The following PLXNB3 variants were observed in gnomAD, a reference collection of about 807,000 sequenced individuals.
PLXNB3 encodes plexin-B3.
In PLXNB3, 80 loss-of-function variants were observed where a neutral mutation model predicts 125.7. That is an observed-to-expected ratio of 0.64 (90% CI 0.53 to 0.77). The LOEUF (loss-of-function observed/expected upper bound fraction) is 0.77, where lower values mean the gene tolerates loss of function less well. Ranked by LOEUF, PLXNB3 falls within the 30% of genes least tolerant of loss-of-function variation. The probability of loss-of-function intolerance (pLI) is 0.00; values close to 1 mark genes in which losing one functional copy is unlikely to be tolerated. For missense variants in PLXNB3, 1,836 were observed against 1,729.3 expected (o/e 1.06, Z -1.09); for synonymous variants, 954 against 783.3 (o/e 1.22, Z -3.64).
In PLXNB3 at chrX:153,773,659, A is replaced by G; in HGVS notation, c.3225A>G (p.Gly1075=). 4 of 1,183,129 alleles carry G rather than the reference A, an allele frequency of 3.4e-6. No individual in the cohort carries two copies. Among genetic ancestry groups the G allele is most frequent in the Non-Finnish European group, 4.5e-6 (4 of 881,862 alleles). ...ACCCACAGCCAAGGAGGAGCTGTGG[A>G]GCCCCTGCTGCGGACCCCCAGGCTT... ...PQDPQPRRSC[G]APAADPQACI... is the part of the protein sequence containing the mutation. The change falls in exon 19 of 36, where the codon GGA becomes GGG. Residue 1075 remains glycine, a synonymous_variant. Coordinates refer to ENST00000361971, the MANE Select transcript of PLXNB3 (RefSeq NM_005393.3).
At chrX:153,765,364 G>A in intron 1 of PLXNB3, 107 bp from the exon 2 acceptor site, 1 of 562,908 alleles carries the variant, frequency 1.8e-6, no homozygotes, top group Non-Finnish European at 2.9e-6. Flanking sequence ...GCTGCCAGCT[G>A]TGAGGGAGCC....
Position 153,771,961 on chromosome X carries a change from G to C in PLXNB3, c.2615G>C (p.Ser872Thr). The change falls in exon 15 of 36, where the codon AGC (serine) becomes ACC (threonine). Residue 872 changes from serine to threonine, a missense_variant. Physicochemically the swap from Ser to Thr is moderately conservative, Grantham distance 58 (BLOSUM62 1). Coordinates refer to ENST00000361971, the MANE Select transcript of PLXNB3 (RefSeq NM_005393.3). ...RAFADVQYAV[S>T]VASRPCNPEP... The stretch of plus-strand genomic sequence containing the variant: ...TTCGCCGATGTGCAGTACGCCGTGA[G>C]CGTGGCCAGCCGGCCCTGCAACCCT... The C allele has an allele frequency of 1.7e-6, 2 of 1,208,229 alleles. No individual in the cohort carries two copies. Among genetic ancestry groups the C allele is most frequent in the East Asian group, 5.9e-5 (2 of 33,838 alleles).
Position 153,775,616 on chromosome X carries a change from C to A in PLXNB3, c.4357C>A (p.Leu1453Met). Reference sequence around the variant, plus strand: ...CAGGACAGAGACCATGGTGGAGAAACTGCTCACCAACTGGCTGTCCATCTG... The same window carrying A: ...CAGGACAGAGACCATGGTGGAGAAAATGCTCACCAACTGGCTGTCCATCTG... ...LRRTETMVEK[L>M]LTNWLSICLY... The change falls in exon 26 of 36, where the codon CTG becomes ATG. Residue 1453 changes from leucine (L) to methionine (M), a missense_variant. Physicochemically the swap from Leu to Met is conservative, Grantham distance 15. Coordinates refer to ENST00000361971, the MANE Select transcript of PLXNB3 (RefSeq NM_005393.3). The A allele has an allele frequency of 8.3e-7, 1 of 1,211,000 alleles. No homozygotes were observed. The highest frequency in any genetic ancestry group is 1.1e-6 in the Non-Finnish European group (1 of 895,197).
At position 153,777,267 on chromosome X, in the gene PLXNB3, GCCA is replaced by G. The variant is rs781968623; in HGVS notation, c.4990_4992del (p.Thr1664del). On this transcript the variant is annotated inframe_deletion, in exon 30 of 36. Coordinates refer to ENST00000361971, the MANE Select transcript of PLXNB3 (RefSeq NM_005393.3). Reference sequence around the variant, plus strand: ...GGTGTGCCTCTGGCACCTGGTGAAAGCCACCGAGGAGCCAGAAGGGGCCAAGGT... The same window carrying G: ...GGTGTGCCTCTGGCACCTGGTGAAAGCCGAGGAGCCAGAAGGGGCCAAGGT... 8.4e-7 allele frequency: 1 copy of G among 1,195,187 alleles called. No individual in the cohort carries two copies. The highest frequency in any genetic ancestry group is 1.8e-5 in the South Asian group (1 of 55,229).
Position 153,777,372 on chromosome X carries a change from T to C in PLXNB3, c.5092T>C (p.Ser1698Pro), listed in dbSNP as rs1557064816. The change falls in exon 30 of 36, where the codon TCC becomes CCC. Residue 1698 changes from serine (S) to proline (P), a missense_variant. Coordinates refer to ENST00000361971, the MANE Select transcript of PLXNB3 (RefSeq NM_005393.3). ...IPEIYLTRLL[S>P]MKGTLQKFVD... is the part of the protein sequence containing the mutation. ...GGAAATCTACCTCACCCGTCTGCTG[T>C]CCATGAAGGTTGGTGCGGCCTGGGT... The C allele has an allele frequency of 8.4e-7, 1 of 1,196,422 alleles. No individual in the cohort carries two copies. The highest frequency in any genetic ancestry group is 1.1e-6 in the Non-Finnish European group (1 of 885,317).
chrX:153,773,730 C>A lies in PLXNB3; in HGVS notation c.3279+17C>A. On this transcript the variant is annotated intron_variant, in intron 19 of 35. Transcript: ENST00000361971. ...CTGCTGCAGGTGAGCCCCTCACCAG[C>A]AGGCGACAAGGCTGTCCCCGACCAT... 8.6e-7 allele frequency: 1 copy of A among 1,167,410 alleles called. No individual in the cohort carries two copies. Among genetic ancestry groups the A allele is most frequent in the South Asian group, 1.9e-5 (1 of 51,356 alleles).
At position 153,774,495 on chromosome X, in the gene PLXNB3, G is replaced by A. The variant is rs868924750; in HGVS notation, c.3754G>A (p.Val1252Met). The stretch of plus-strand genomic sequence containing the variant: ...TGAACCCCCGCTGTCTGCCTTTCCC[G>A]TGGAGGCCCAGGCAGGCGTGGGCAT... ...EAEPPLSAFP[V>M]EAQAGVGMGA... Residue 1252 changes from valine to methionine, a missense_variant, in exon 22 of 36, where the codon GTG (valine) becomes ATG (methionine). Coordinates refer to ENST00000361971, the MANE Select transcript of PLXNB3 (RefSeq NM_005393.3). 4.1e-6 allele frequency: 5 copies of A among 1,207,361 alleles called. No homozygotes were observed. The African/African-American group carries it at 5.2e-5, about 12-fold the overall frequency.
At position 153,766,918 on chromosome X, in the gene PLXNB3, C is replaced by A. The variant is rs372269937; in HGVS notation, c.91C>A (p.Leu31Met). 7.5e-6 allele frequency: 9 copies of A among 1,204,039 alleles called. No individual in the cohort carries two copies. The East Asian group carries it at 1.8e-4, about 24-fold the overall frequency. Residue 31 changes from leucine (L) to methionine (M), a missense_variant, in exon 3 of 36, where the codon CTG becomes ATG. Coordinates refer to ENST00000361971, the MANE Select transcript of PLXNB3 (RefSeq NM_005393.3). Reference protein sequence around the residue: ...RWPPFGLCLLLLLLSPPPLPL... With the variant: ...RWPPFGLCLLMLLLSPPPLPL... ...GCCTCCCTTCGGCCTCTGCCTCCTCCTGCTGCTGCTGTCCCCACCGCCACT... is the reference window on the plus strand; with the variant it reads ...GCCTCCCTTCGGCCTCTGCCTCCTCATGCTGCTGCTGTCCCCACCGCCACT...
At position 153,772,908 on chromosome X, in the gene PLXNB3, G is replaced by A. The variant is rs1557062495; in HGVS notation, c.2798G>A (p.Ser933Asn). Residue 933 changes from serine to asparagine, a missense_variant, in exon 17 of 36, where the codon AGT becomes AAT. Coordinates refer to ENST00000361971, the MANE Select transcript of PLXNB3 (RefSeq NM_005393.3). ...TYQDPVLLSL[S>N]PRWGPQAGGT... ...CAGGACCCTGTCCTGCTGAGCCTGA[G>A]TCCTCGCTGGGGCCCCCAGGCAGGG... is the stretch of plus-strand genomic sequence containing the variant. 8 of 1,153,292 alleles carry A rather than the reference G, an allele frequency of 6.9e-6. No homozygotes were observed. The African/African-American group carries it at 1.1e-4, about 16-fold the overall frequency.
rs374842024 is a variant in PLXNB3, at chrX:153,774,742, G to A, written c.3867G>A (p.Lys1289=). Residue 1289 remains lysine (K), a synonymous_variant, in exon 23 of 36, where the codon AAG becomes AAA. Coordinates refer to ENST00000361971, the MANE Select transcript of PLXNB3 (RefSeq NM_005393.3). The part of the protein sequence containing the change: ...KSKQALRDYQ[K]VLVQLESLET... ...AGCAGGCCCTGCGGGACTACCAGAA[G>A]GTGCTAGTGCAGCTGGAGAGCCTGG... The A allele has an allele frequency of 1.0e-5, 12 of 1,187,972 alleles. No homozygotes were observed. The highest frequency in any genetic ancestry group is 3.7e-5 in the South Asian group (2 of 53,350).
intron 3 of PLXNB3, among the ~76,000 whole-genome samples, 160 bp from the exon 4 acceptor site, chrX:153,768,089 G>C (rs182268252): frequency 1.8e-5 from 2 of 113,519 alleles, no homozygotes; most frequent in East Asian, 5.6e-4. Context: ...CCCTCTGGAT[G>C]CTATGAGCTT....
intron 16 of PLXNB3, 165 bp from the exon 17 acceptor site, chrX:153,772,721 C>T (rs1380718337): frequency 4.7e-5 from 48 of 1,030,079 alleles, no homozygotes; most frequent in Non-Finnish European, 5.7e-5. Context: ...GGAAGCTGGC[C>T]AGTGTGCAGT....
At position 153,767,701 on chromosome X, in the gene PLXNB3, G is replaced by A. The variant is rs781911980; in HGVS notation, c.874G>A (p.Ala292Thr). 5 of 1,182,269 alleles carry A rather than the reference G, an allele frequency of 4.2e-6. No individual in the cohort carries two copies. The highest frequency in any genetic ancestry group is 2.3e-5 in the Admixed American group (1 of 42,760). The change falls in exon 3 of 36, where the codon GCC becomes ACC. Residue 292 changes from alanine to threonine, a missense_variant. Coordinates refer to ENST00000361971, the MANE Select transcript of PLXNB3 (RefSeq NM_005393.3). ...CCAGGGCCAGGGCCTCATCCAGGCC[G>A]CCTTCCTTGCCCCGGGCACCTTGCT... is the stretch of plus-strand genomic sequence containing the variant. ...ACQGQGLIQA[A>T]FLAPGTLLGV...
At position 153,773,137 on chromosome X, in the gene PLXNB3, G is replaced by A. The variant is rs1335254229; in HGVS notation, c.2907-93G>A. ...AGTGGTCCCTGCCCTTGTCAAGGCA[G>A]GCAAAGCAGGGCTTCTCCTACGGGG... On this transcript the variant is annotated intron_variant, in intron 17 of 35. Coordinates refer to ENST00000361971, the MANE Select transcript of PLXNB3 (RefSeq NM_005393.3). 7.4e-6 allele frequency: 8 copies of A among 1,082,300 alleles called. No individual in the cohort carries two copies. The African/African-American group carries it at 1.1e-4, about 15-fold the overall frequency. 89.2% of individuals were successfully genotyped at this position (1,082,300 alleles called of 1,213,427 possible).
At position 153,767,860 on chromosome X, in the gene PLXNB3, G is replaced by A. The variant is rs2091876396; in HGVS notation, c.1033G>A (p.Glu345Lys). The part of the protein sequence containing the change: ...TAGGRGPSGA[E>K]EATVEYGVTS... ...GGGCGGCCGGGGCCCCAGCGGCGCA[G>A]AGGAAGCCACCGTGGAGTACGGCGT... Residue 345 changes from glutamate (E) to lysine (K), a missense_variant, in exon 3 of 36, where the codon GAG becomes AAG. Glu to Lys is a moderately conservative substitution (Grantham distance 56). Coordinates refer to ENST00000361971, the MANE Select transcript of PLXNB3 (RefSeq NM_005393.3). The A allele has an allele frequency of 8.9e-7, 1 of 1,129,768 alleles. No homozygotes were observed. Among genetic ancestry groups the A allele is most frequent in the Non-Finnish European group, 1.2e-6 (1 of 856,653 alleles). 93.1% of individuals were successfully genotyped at this position (1,129,768 alleles called of 1,213,427 possible). A position where few individuals can be genotyped will look rare whatever the true frequency, so the allele number is the denominator to read the frequency against.
intron 3 of PLXNB3, 56 bp from the exon 4 acceptor site, chrX:153,768,193 C>A (rs1192143231): frequency 2.7e-6 from 3 of 1,095,823 alleles, no homozygotes; most frequent in South Asian, 2.1e-5. Context: ...GGGTACCCCC[C>A]CTGACTGCCT....
chrX:153,773,583 T>C lies in PLXNB3; in HGVS notation c.3149T>C (p.Val1050Ala), dbSNP rs2091956298. 8.3e-7 allele frequency: 1 copy of C among 1,206,820 alleles called. No homozygotes were observed. The highest frequency in any genetic ancestry group is 1.1e-6 in the Non-Finnish European group (1 of 893,379). ...LDVVQRPLLS[V>A]WLEADAEVQA... ...GTGGTGCAGCGGCCCCTACTGTCTG[T>C]GTGGCTGGAGGCTGACGCAGAGGTG... Residue 1050 changes from valine (V) to alanine (A), a missense_variant, in exon 19 of 36, where the codon GTG (valine) becomes GCG (alanine). By Grantham distance (64) the Val-to-Ala change is moderately conservative. Transcript: ENST00000361971.
At position 153,770,635 on chromosome X, in the gene PLXNB3, C is replaced by T. The variant is rs782305028; in HGVS notation, c.2003C>T (p.Ala668Val). 4.5e-5 allele frequency: 55 copies of T among 1,209,332 alleles called. No homozygotes were observed. The South Asian group carries it at 9.0e-4, about 20-fold the overall frequency. The change falls in exon 10 of 36, where the codon GCC becomes GTC. Residue 668 changes from alanine (A) to valine (V), a missense_variant. Coordinates refer to ENST00000361971, the MANE Select transcript of PLXNB3 (RefSeq NM_005393.3). Reference protein sequence around the residue: ...CPEGERTIYSAQEVDIQVRGP... With the variant: ...CPEGERTIYSVQEVDIQVRGP... ...GAGGGCGAGAGGACCATCTACAGCG[C>T]CCAGGAGGTGGGTGGGCCCGAACTT...
Position 153,774,931 on chromosome X carries a change from T to C in PLXNB3, c.3983T>C (p.Ile1328Thr). Residue 1328 changes from isoleucine to threonine, a missense_variant, in exon 24 of 36, where the codon ATC becomes ACC. By Grantham distance (89) the Ile-to-Thr change is moderately conservative (BLOSUM62 -1). Transcript: ENST00000361971. ...AGCAGCGACCTGGAGGGCAGCGGGA[T>C]CCCCTTCCTGGACTACCGCACCTAC... ...DLSSDLEGSGIPFLDYRTYAE... is the reference protein window; with the variant it reads ...DLSSDLEGSGTPFLDYRTYAE... 2 of 1,190,087 alleles carry C rather than the reference T, an allele frequency of 1.7e-6. No individual in the cohort carries two copies. The highest frequency in any genetic ancestry group is 2.3e-6 in the Non-Finnish European group (2 of 883,163).
Sources: allele counts gnomAD v4.1 joint callset (sites outside exome capture counted in the v4.1 genomes callset), GRCh38; gene constraint gnomAD v4.1.1; transcripts MANE v1.5; gene names NCBI Gene and HGNC (gene_info 2026-07-23, HGNC 2026-07-21).